KLHL20: variants seen among roughly 807,000 people sequenced by gnomAD.
KLHL20 encodes the protein kelch like family member 20, also known as kelch-like protein 20.
A neutral mutation model predicts 69.5 loss-of-function variants in KLHL20; 29 were observed. The ratio of observed to expected loss-of-function variants is 0.42; its 90% confidence interval spans 0.31 to 0.57. KLHL20 has a LOEUF of 0.57. KLHL20 is among the 20% of genes least tolerant of loss of function. KLHL20 has a pLI of 0.18. For missense variants in KLHL20, 419 were observed against 776.0 expected (o/e 0.54, Z 5.47); for synonymous variants, 253 against 265.2 (o/e 0.95, Z 0.45).
chr1:173,747,732 A>G lies in KLHL20; in HGVS notation c.598-4032A>G, dbSNP rs575129852. Among the ~76,000 whole-genome samples, 28 of 152,024 alleles carry G rather than the reference A, an allele frequency of 1.8e-4. No individual in the cohort carries two copies. The Middle Eastern group carries it at 0.017, about 94-fold the overall frequency. On this transcript the variant is annotated intron_variant, in intron 3 of 11. Coordinates refer to ENST00000209884, the MANE Select transcript of KLHL20 (RefSeq NM_014458.4). ...TTATATTTACTGTATTTCTTTTTCTATGTGGAATCTTCTTTGCTTTTTATT... is the reference window on the plus strand; with the variant it reads ...TTATATTTACTGTATTTCTTTTTCTGTGTGGAATCTTCTTTGCTTTTTATT...
At chr1:173,716,579 A>G (rs1164134125) in intron 2 of KLHL20, among the ~76,000 whole-genome samples, 1 of 152,184 alleles carries the variant, frequency 6.6e-6, no homozygotes, top group East Asian at 1.9e-4. Context: ...AGTCCATAGA[A>G]AAATAGAACA....
At chr1:173,719,032 G>A (rs1470143714) in intron 2 of KLHL20, among the ~76,000 whole-genome samples, 1 of 148,142 alleles carries the variant, frequency 6.8e-6, no homozygotes, top group South Asian at 2.1e-4. Flanking sequence ...GTGAACCTGG[G>A]AGGCGGAGCT....
At chr1:173,726,057 G>A (rs976992983) in intron 2 of KLHL20, among the ~76,000 whole-genome samples, 9 of 152,284 alleles carry the variant, frequency 5.9e-5, no homozygotes, top group South Asian at 2.1e-4. Flanking sequence ...TTAATACTGC[G>A]CTTTTCCAAC....
intron 3 of KLHL20, among the ~76,000 whole-genome samples, chr1:173,737,806 T>C (rs1672603879): frequency 6.6e-6 from 1 of 152,230 alleles, no homozygotes; most frequent in South Asian, 2.1e-4. Context: ...CTTGGCTGTA[T>C]AGACATTTTC....
rs147885714 is a variant in KLHL20 at position 173,775,639 on chromosome 1, C to T, written c.1435C>T (p.Arg479Cys). Residue 479 changes from arginine (R) to cysteine (C), a missense_variant, in exon 10 of 12, where the codon CGT becomes TGT. Physicochemically the swap from Arg to Cys is radical, Grantham distance 180. Around this residue, in one of 6 missense-constraint regions of KLHL20, gnomAD observed 56 missense variants for 75.9 expected, o/e 0.74. Transcript: ENST00000209884. ...DGTSPLNTVE[R>C]YNPQENRWHT... ...GGTTTTTCTTTTCCCTACAGTGGAA[C>T]GTTACAATCCTCAGGAAAACAGATG... is the stretch of plus-strand genomic sequence containing the variant. 8.1e-6 allele frequency: 13 copies of T among 1,613,678 alleles called. No homozygotes were observed. The highest frequency in any genetic ancestry group is 2.7e-5 in the African/African-American group (2 of 74,922).
rs953343115 is a variant in KLHL20 at position 173,777,702 on chromosome 1, A to G, written c.1638+1860A>G. 2.0e-5 allele frequency among the ~76,000 whole-genome samples: 3 copies of G among 152,208 alleles called. No individual in the cohort carries two copies. The East Asian group carries it at 5.8e-4, about 29-fold the overall frequency. On this transcript the variant is annotated intron_variant, in intron 10 of 11. Transcript: ENST00000209884. ...TTTTGTCCTTCATTCTGTTGATATG[A>G]TGTACCACACTGATTGATTTGCATA...
chr1:173,750,280 C>G (rs1407025563), intron 3 of KLHL20, among the ~76,000 whole-genome samples: 2 of 151,878 alleles, frequency 1.3e-5, no homozygotes, highest in African/African-American at 4.8e-5. Context: ...TGTATTTTTT[C>G]CTAATGCACT....
At chr1:173,782,716 A>G (rs1376383393) in intron 11 of KLHL20, among the ~76,000 whole-genome samples, 1 of 152,192 alleles carries the variant, frequency 6.6e-6, no homozygotes, top group Non-Finnish European at 1.5e-5. Flanking sequence ...TTTAACTTTT[A>G]GGGAGGAGGC....
intron 2 of KLHL20, among the ~76,000 whole-genome samples, chr1:173,729,489 A>T (rs536008405): frequency 6.6e-6 from 1 of 152,320 alleles, no homozygotes; most frequent in Admixed American, 6.5e-5. Context: ...ATACTGGCAA[A>T]CCGAATCCAG....
chr1:173,739,901 A>G (rs779466648), intron 3 of KLHL20, among the ~76,000 whole-genome samples: 3 of 151,700 alleles, frequency 2.0e-5, no homozygotes, highest in Non-Finnish European at 4.4e-5. Flanking sequence ...TTGGCGTCCC[A>G]AAGTGTTGGG....
In KLHL20 at chr1:173,760,625, G is replaced by A. The variant is rs138532552; in HGVS notation, c.1151+3466G>A. On this transcript the variant is annotated intron_variant, in intron 7 of 11. Coordinates refer to ENST00000209884, the MANE Select transcript of KLHL20 (RefSeq NM_014458.4). ...TTCGTATCCAGTGAAACTAAGCATCGTATGTGAACGAAAGATAAGCCGTTT... is the reference window on the plus strand; with the variant it reads ...TTCGTATCCAGTGAAACTAAGCATCATATGTGAACGAAAGATAAGCCGTTT... Among the ~76,000 whole-genome samples, 373 of 152,236 alleles carry A rather than the reference G, an allele frequency of 2.5e-3. 2 individuals are homozygous for A. Among genetic ancestry groups the A allele is most frequent in the African/African-American group, 8.1e-3 (336 of 41,552 alleles).
chr1:173,775,910 G>A, intron 10 of KLHL20, 68 bp downstream of exon 10: 1 of 1,304,110 alleles, frequency 7.7e-7, no homozygotes, highest in Non-Finnish European at 1.1e-6. Flanking sequence ...ATAAACATGG[G>A]AGTGCAGATA....
Position 173,729,688 on chromosome 1 carries a change from A to C in KLHL20, c.24-4025A>C, listed in dbSNP as rs1672161645. ...AAATTCAACAACCTTCATGCTAAAA[A>C]CTCTCAATAAATTAGGTATTGATGG... On this transcript the variant is annotated intron_variant, in intron 2 of 11. Transcript: ENST00000209884. Among the ~76,000 whole-genome samples, 5 of 152,052 alleles carry C rather than the reference A, an allele frequency of 3.3e-5. No homozygotes were observed. The South Asian group carries it at 1.0e-3, about 32-fold the overall frequency.
At chr1:173,774,924 C>A (rs9425734) in intron 9 of KLHL20, among the ~76,000 whole-genome samples, 13,689 of 152,174 alleles carry the variant, frequency 0.09, 1,993 homozygotes, top group African/African-American at 0.31. Flanking sequence ...AATCCTCCCA[C>A]CTCAGCCTCC....
intron 3 of KLHL20, among the ~76,000 whole-genome samples, chr1:173,744,041 C>T (rs916089159): frequency 3.3e-5 from 5 of 152,048 alleles, no homozygotes; most frequent in Non-Finnish European, 7.4e-5. Flanking sequence ...AATAGGATTG[C>T]AAGGCCTAAG....
chr1:173,750,748 A>G (rs1167744490), intron 3 of KLHL20, among the ~76,000 whole-genome samples: 1 of 151,966 alleles, frequency 6.6e-6, no homozygotes, highest in Admixed American at 6.6e-5. Context: ...TTTTGTAGAA[A>G]TAAGTTCTCA....
At chr1:173,751,994 T>G in intron 4 of KLHL20, 72 bp downstream of exon 4, 4 of 1,441,948 alleles carry the variant, frequency 2.8e-6, no homozygotes, top group Non-Finnish European at 3.8e-6. Context: ...TCCCAGCACT[T>G]TGGGAGGCCA....
At chr1:173,762,904 G>C (rs1354949564) in intron 7 of KLHL20, among the ~76,000 whole-genome samples, 1 of 151,928 alleles carries the variant, frequency 6.6e-6, no homozygotes, top group Non-Finnish European at 1.5e-5. Context: ...AGAAATAAAG[G>C]GCATCCAAAT....
At chr1:173,747,643 A>G (rs1410707465) in intron 3 of KLHL20, among the ~76,000 whole-genome samples, 3 of 151,984 alleles carry the variant, frequency 2.0e-5, no homozygotes, top group Non-Finnish European at 4.4e-5. Flanking sequence ...ATTTGCATTT[A>G]TTGCTCTGAC....
Sources: gnomAD v4.1 joint callset for allele counts (sites outside exome capture counted in the v4.1 genomes callset) on GRCh38, gnomAD v4.1.1 for gene constraint, gnomAD v4.1.1 regional missense constraint, MANE v1.5 for transcripts, NCBI Gene and HGNC (gene_info 2026-07-23, HGNC 2026-07-21) for gene names.